Variants in DAAM2 observed in about 807,000 individuals in gnomAD.
DAAM2 encodes dishevelled associated activator of morphogenesis 2.
In DAAM2, 39 loss-of-function variants were observed where a neutral mutation model predicts 120.7. The observed-to-expected ratio is 0.32, with a 90% CI of 0.25 to 0.42. DAAM2 has a LOEUF of 0.42. Among genes scored for constraint, DAAM2 ranks in the 10% least tolerant of loss-of-function variants. DAAM2 has a pLI of 1.00. For synonymous variants in DAAM2, 488 were observed against 524.9 expected (o/e 0.93, Z 0.96); for missense variants, 1,283 against 1,401.7 (o/e 0.92, Z 1.35).
chr6:39,892,212 G>C (rs968886036), intron 19 of DAAM2, among the ~76,000 whole-genome samples: 45 of 152,186 alleles, frequency 3.0e-4, no homozygotes, highest in African/African-American at 1.0e-3. Context: ...TCCAATACAG[G>C]CCATTTCCAG....
Position 39,867,899 on chromosome 6 carries a change from T to G in DAAM2, c.762+56T>G, listed in dbSNP as rs557772457. 133 of 1,416,058 alleles carry G rather than the reference T, an allele frequency of 9.4e-5. No homozygotes were observed. In the East Asian group the frequency reaches 3.3e-3, roughly 35 times the overall value. 87.7% of individuals were successfully genotyped at this position (1,416,058 alleles called of 1,614,324 possible). A position where few individuals can be genotyped will look rare whatever the true frequency, so the allele number is the denominator to read the frequency against. ...GCTGGGTGGGGCAGAGGATGTCACA[T>G]GTGAGTGAGAGCCTGAAGATTCTTT... On this transcript the variant is annotated intron_variant, in intron 6 of 24. Coordinates refer to ENST00000274867, the MANE Select transcript of DAAM2 (RefSeq NM_001201427.2).
At chr6:39,873,785 G>A (rs1397996114) in intron 10 of DAAM2, among the ~76,000 whole-genome samples, 1 of 152,056 alleles carries the variant, frequency 6.6e-6, no homozygotes, top group Non-Finnish European at 1.5e-5. Flanking sequence ...AGTCCTTGTT[G>A]GCTTCCACTC....
At chr6:39,869,753 C>T (rs1194178228) in intron 7 of DAAM2, among the ~76,000 whole-genome samples, 27 of 102,016 alleles carry the variant, frequency 2.6e-4, no homozygotes, top group South Asian at 3.8e-4. Flanking sequence ...CGCCAGCATA[C>T]TTTTTTTTTT....
rs57968347 is a variant in DAAM2, at chr6:39,816,412, T to TG, written c.-57+23954dup. 1.2e-3 allele frequency among the ~76,000 whole-genome samples: 178 copies of TG among 152,226 alleles called. 1 individual carries two copies. Among genetic ancestry groups the TG allele is most frequent in the Middle Eastern group, 3.4e-3 (1 of 292 alleles). ...TACTAGGCCACATAATTCTTGGTTG[T>TG]GGGGGGGCTATCTTTTGTATATAGG... On this transcript the variant is annotated intron_variant, in intron 1 of 24. Transcript: ENST00000274867.
intron 3 of DAAM2, 102 bp downstream of exon 3, chr6:39,861,119 C>T (rs780751273): frequency 3.8e-5 from 33 of 866,240 alleles, no homozygotes; most frequent in Non-Finnish European, 5.0e-5. Context: ...TTATTACATG[C>T]CAGCCCTGTT....
intron 1 of DAAM2, among the ~76,000 whole-genome samples, chr6:39,800,804 G>T (rs913076148): frequency 6.6e-6 from 1 of 152,184 alleles, no homozygotes; most frequent in South Asian, 2.1e-4. Flanking sequence ...TTTGGCGGAG[G>T]CCTTAGCTGA....
chr6:39,794,985 A>G lies in DAAM2; in HGVS notation c.-57+2520A>G, dbSNP rs536833739. ...GGTGAGGGGCAAGAACTGGGTTTTCAACTCTTTCTACATGTGGGGTTTCTG... is the reference window on the plus strand; with the variant it reads ...GGTGAGGGGCAAGAACTGGGTTTTCGACTCTTTCTACATGTGGGGTTTCTG... On this transcript the variant is annotated intron_variant, in intron 1 of 24. Coordinates refer to ENST00000274867, the MANE Select transcript of DAAM2 (RefSeq NM_001201427.2). Among the ~76,000 whole-genome samples the G allele has an allele frequency of 8.5e-5, 13 of 152,304 alleles. No homozygotes were observed. In the South Asian group the frequency reaches 2.5e-3, roughly 29 times the overall value.
chr6:39,869,757 T>G (rs1431241798), intron 7 of DAAM2, among the ~76,000 whole-genome samples: 6 of 117,388 alleles, frequency 5.1e-5, no homozygotes, highest in African/African-American at 1.8e-4. Flanking sequence ...AGCATACTTT[T>G]TTTTTTTTTT....
At chr6:39,895,392 C>T (rs887119411) in intron 19 of DAAM2, among the ~76,000 whole-genome samples, 10 of 151,876 alleles carry the variant, frequency 6.6e-5, no homozygotes, top group African/African-American at 2.2e-4. Flanking sequence ...TGCACCACCA[C>T]GCCTGGCTAA....
intron 19 of DAAM2, among the ~76,000 whole-genome samples, chr6:39,895,910 A>T (rs1766053262): frequency 6.6e-6 from 1 of 152,246 alleles, no homozygotes; most frequent in Non-Finnish European, 1.5e-5. Flanking sequence ...AATCTTAAAA[A>T]TGACATTCAA....
In DAAM2 at chr6:39,888,686, C is replaced by T. The variant is rs1415877841; in HGVS notation, c.2068C>T (p.Leu690Phe). Residue 690 changes from leucine (L) to phenylalanine (F), a missense_variant, in exon 17 of 25, where the codon CTT becomes TTT. Physicochemically the swap from Leu to Phe is conservative, Grantham distance 22. Transcript: ENST00000274867. ...NCIILLSKLK[L>F]SNEEIRQAIL... Reference sequence around the variant, plus strand: ...GGTGGGGTTTTGCCTTAGGTTGAAGCTTTCTAACGAGGAGATCCGGCAGGC... The same window carrying T: ...GGTGGGGTTTTGCCTTAGGTTGAAGTTTTCTAACGAGGAGATCCGGCAGGC... 1 of 1,613,114 alleles carries T rather than the reference C, an allele frequency of 6.2e-7. No individual in the cohort carries two copies.
At chr6:39,820,720 A>G (rs9349128) in intron 1 of DAAM2, 75,229 of 152,008 alleles carry the variant, frequency 0.49, 22,479 homozygotes, top group Non-Finnish European at 0.65. Flanking sequence ...TCAAATCCTA[A>G]TTTTTTCACA....
chr6:39,880,704 C>G (rs1765078395), intron 14 of DAAM2, among the ~76,000 whole-genome samples: 1 of 152,188 alleles, frequency 6.6e-6, no homozygotes, highest in Non-Finnish European at 1.5e-5. Context: ...CTGCCTCTGG[C>G]TTTATAATCT....
rs759079990 is a variant in DAAM2, at chr6:39,904,594, G to A, written c.*2557G>A. 28 of 453,738 alleles carry A rather than the reference G, an allele frequency of 6.2e-5. No individual in the cohort carries two copies. Among genetic ancestry groups the A allele is most frequent in the Non-Finnish European group, 1.1e-4 (26 of 226,926 alleles). 28.1% of individuals were successfully genotyped at this position (453,738 alleles called of 1,614,324 possible). On this transcript the variant is annotated 3_prime_UTR_variant, in exon 25 of 25. Transcript: ENST00000274867. Reference sequence around the variant, plus strand: ...CCTGTGATGGAAATAAAGTGTTTAGGGCAGTGGGAGGAGAAAATTCTCCAG... The same window carrying A: ...CCTGTGATGGAAATAAAGTGTTTAGAGCAGTGGGAGGAGAAAATTCTCCAG...
chr6:39,864,308 C>T (rs1764329571), intron 3 of DAAM2, 125 bp from the exon 4 acceptor site: 8 of 687,990 alleles, frequency 1.2e-5, no homozygotes, highest in Non-Finnish European at 2.0e-5. Context: ...GTAATTTCCT[C>T]CAACCCACCC....
chr6:39,840,857 C>T (rs773462043), intron 1 of DAAM2, among the ~76,000 whole-genome samples: 2 of 151,988 alleles, frequency 1.3e-5, no homozygotes, highest in African/African-American at 2.4e-5. Flanking sequence ...AACAATAGAT[C>T]TGCCTGATGT....
At position 39,903,289 on chromosome 6, in the gene DAAM2, G is replaced by A. The variant is rs1766593389; in HGVS notation, c.*1252G>A. 6.6e-6 allele frequency: 1 copy of A among 152,400 alleles called. No homozygotes were observed. Among genetic ancestry groups the A allele is most frequent in the Admixed American group, 6.5e-5 (1 of 15,294 alleles). The allele number at this position is 152,400 out of a possible 1,614,324, so 9.4% of individuals were successfully genotyped here. ...GAGATGGGGATGGAGGAGGAAGGCT[G>A]ATATCCTCTGGGGAGCACATCACCT... On this transcript the variant is annotated 3_prime_UTR_variant, in exon 25 of 25. Coordinates refer to ENST00000274867, the MANE Select transcript of DAAM2 (RefSeq NM_001201427.2).
At position 39,878,931 on chromosome 6, in the gene DAAM2, A is replaced by C. The variant is rs977742069; in HGVS notation, c.1546-247A>C. ...GTCCTGCTGTTGCATTGTGATGGCT[A>C]TGACTCTGATTGTCCAGTGTCCGTG... On this transcript the variant is annotated intron_variant, in intron 13 of 24. Transcript: ENST00000274867. The surrounding 1 kb of genome is among the most constrained non-coding windows in gnomAD (Gnocchi z 5.0). Among the ~76,000 whole-genome samples the C allele has an allele frequency of 1.2e-4, 18 of 151,984 alleles. No individual in the cohort carries two copies. Among genetic ancestry groups the C allele is most frequent in the Admixed American group, 9.2e-4 (14 of 15,248 alleles).
chr6:39,892,982 C>A (rs1479428324), intron 19 of DAAM2, among the ~76,000 whole-genome samples: 3 of 152,210 alleles, frequency 2.0e-5, no homozygotes, highest in Non-Finnish European at 4.4e-5. Context: ...ATATCTCCTG[C>A]CCTGGTGATG....
Sources: gnomAD v4.1 joint callset for allele counts (sites outside exome capture counted in the v4.1 genomes callset) on GRCh38, gnomAD v4.1.1 for gene constraint, Gnocchi (gnomAD v3.1) non-coding constraint, MANE v1.5 for transcripts, NCBI Gene and HGNC (gene_info 2026-07-23, HGNC 2026-07-21) for gene names.